SCEL: variants seen among roughly 807,000 people sequenced by gnomAD.
SCEL encodes sciellin.
Under a neutral mutation model 117.6 loss-of-function variants are expected in SCEL, and 113 were observed. The ratio of observed to expected loss-of-function variants is 0.96; its 90% CI spans 0.83 to 1.12. SCEL has a LOEUF of 1.12. Ranked by LOEUF, SCEL falls within the 50% of genes most tolerant of loss-of-function variation. SCEL has a pLI of 0.00. For missense variants in SCEL, 785 were observed against 810.8 expected (o/e 0.97, Z 0.39); for synonymous variants, 270 against 256.2 (o/e 1.05, Z -0.51).
At chr13:77,630,499 A>C (rs1183471993) in intron 28 of SCEL, among the ~76,000 whole-genome samples, 1 of 152,196 alleles carries the variant, frequency 6.6e-6, no homozygotes, top group African/African-American at 2.4e-5. Context: ...ATGAACATTC[A>C]TATATGAGTT....
chr13:77,539,636 C>T (rs1208158832), intron 1 of SCEL, among the ~76,000 whole-genome samples: 2 of 151,938 alleles, frequency 1.3e-5, no homozygotes. Flanking sequence ...CTCCCGGGTT[C>T]ACATCATTCT....
chr13:77,555,819 C>A, intron 1 of SCEL, 38 bp from the exon 2 acceptor site: 1 of 1,342,558 alleles, frequency 7.4e-7, no homozygotes, highest in South Asian at 1.2e-5. Flanking sequence ...TTCTCAGAGT[C>A]ATTGATGTGC....
At chr13:77,568,871 G>A (rs1362550671) in intron 7 of SCEL, among the ~76,000 whole-genome samples, 1 of 152,168 alleles carries the variant, frequency 6.6e-6, no homozygotes, top group African/African-American at 2.4e-5. Flanking sequence ...TATGTATAAA[G>A]TAATTTATAC....
chr13:77,636,866 C>G (rs1032111718), intron 29 of SCEL, among the ~76,000 whole-genome samples: 5 of 152,028 alleles, frequency 3.3e-5, no homozygotes, highest in Non-Finnish European at 5.9e-5. Context: ...AAGATGAGGA[C>G]TTCTTTTCCT....
At chr13:77,548,110 T>C (rs1485780845) in intron 1 of SCEL, among the ~76,000 whole-genome samples, 1 of 152,244 alleles carries the variant, frequency 6.6e-6, no homozygotes, top group East Asian at 1.9e-4. Flanking sequence ...GGGAGGAAAG[T>C]TCAAACAATA....
In SCEL at chr13:77,634,404, G is replaced by T. The variant is rs759846746; in HGVS notation, c.1717G>T (p.Gly573Ter). 6.2e-7 allele frequency: 1 copy of T among 1,613,340 alleles called. No individual in the cohort carries two copies. The highest frequency in any genetic ancestry group is 8.5e-7 in the Non-Finnish European group (1 of 1,179,610). ...CTCTAACACTGGAGCCAAGCAGGCA[G>T]GACCACAGGATACTGTTGTGTACAC... The part of the protein sequence containing the change: ...GSSNTGAKQA[G>*]PQDTVVYTRT... The change falls in exon 29 of 33, where the codon GGA (glycine) becomes TGA (stop). Residue 573 changes from glycine to a stop codon, truncating the protein, a stop_gained. Coordinates refer to ENST00000349847, the MANE Select transcript of SCEL (RefSeq NM_144777.3). LOFTEE classifies it high-confidence loss of function.
chr13:77,543,118 C>G lies in SCEL; in HGVS notation c.-20+7294C>G, dbSNP rs1014117738. Among the ~76,000 whole-genome samples the G allele has an allele frequency of 4.3e-5, 6 of 138,642 alleles. No homozygotes were observed. The East Asian group carries it at 6.4e-4, about 15-fold the overall frequency. 91.0% of individuals were successfully genotyped at this position (138,642 alleles called of 152,430 possible). On this transcript the variant is annotated intron_variant, in intron 1 of 32. Coordinates refer to ENST00000349847, the MANE Select transcript of SCEL (RefSeq NM_144777.3). The stretch of plus-strand genomic sequence containing the variant: ...TTTTTTTTTGAGACGGAGTCTCGCT[C>G]TGTTGCCCAGGCTGGAGTGCAGTGG...
intron 1 of SCEL, among the ~76,000 whole-genome samples, chr13:77,541,612 T>C (rs998445979): frequency 5.3e-5 from 8 of 152,170 alleles, no homozygotes; most frequent in Non-Finnish European, 8.8e-5. Context: ...ATTTAAATAT[T>C]CTTAAATGGC....
intron 28 of SCEL, among the ~76,000 whole-genome samples, chr13:77,631,967 T>G (rs1266635160): frequency 6.6e-6 from 1 of 152,218 alleles, no homozygotes. Context: ...CTTACTGGCT[T>G]GCAGATGGCC....
At chr13:77,567,860 T>C (rs1033396594) in intron 6 of SCEL, 112 bp downstream of exon 6, 2 of 686,054 alleles carry the variant, frequency 2.9e-6, no homozygotes, top group African/African-American at 3.7e-5. Flanking sequence ...AAATTCTTAG[T>C]CTCTATCATT....
intron 4 of SCEL, among the ~76,000 whole-genome samples, chr13:77,560,518 T>C (rs2084921723): frequency 6.6e-6 from 1 of 152,082 alleles, no homozygotes; most frequent in South Asian, 2.1e-4. Context: ...AATACAGAAA[T>C]AACAACTACA....
chr13:77,547,053 A>G (rs938780753), intron 1 of SCEL, among the ~76,000 whole-genome samples: 3 of 152,178 alleles, frequency 2.0e-5, no homozygotes, highest in African/African-American at 4.8e-5. Flanking sequence ...GGCTTTAGAT[A>G]TCAGTAAGAA....
chr13:77,638,921 A>G (rs1390614604), intron 30 of SCEL, among the ~76,000 whole-genome samples: 1 of 152,066 alleles, frequency 6.6e-6, no homozygotes, highest in Non-Finnish European at 1.5e-5. Flanking sequence ...TTCCTCTTCA[A>G]ACAATGCAGA....
At chr13:77,592,412 T>A (rs1288032718) in intron 11 of SCEL, among the ~76,000 whole-genome samples, 1 of 152,230 alleles carries the variant, frequency 6.6e-6, no homozygotes, top group Non-Finnish European at 1.5e-5. Context: ...ACAGAACTTT[T>A]CAGAATCTTT....
chr13:77,578,223 A>T (rs2086065181), intron 9 of SCEL, among the ~76,000 whole-genome samples: 1 of 152,152 alleles, frequency 6.6e-6, no homozygotes, highest in African/African-American at 2.4e-5. Flanking sequence ...TAGCAGAGGC[A>T]TACCACAAGC....
chr13:77,552,836 T>A (rs1374486376), intron 1 of SCEL, among the ~76,000 whole-genome samples: 1 of 152,218 alleles, frequency 6.6e-6, no homozygotes, highest in East Asian at 1.9e-4. Flanking sequence ...GGGTGTAATG[T>A]TTTGGGTGTA....
intron 1 of SCEL, among the ~76,000 whole-genome samples, chr13:77,540,475 G>A (rs986511995): frequency 8.5e-5 from 13 of 152,198 alleles, no homozygotes; most frequent in African/African-American, 3.1e-4. Context: ...CTCAGCCTGG[G>A]GAGGAAGGAG....
At chr13:77,612,035 T>C (rs982635085) in intron 22 of SCEL, among the ~76,000 whole-genome samples, 8 of 152,154 alleles carry the variant, frequency 5.3e-5, no homozygotes, top group Non-Finnish European at 8.8e-5. Context: ...TTTTAAACAG[T>C]TCAATGTAAT....
chr13:77,628,983 A>G (rs556983784), intron 28 of SCEL, among the ~76,000 whole-genome samples: 1 of 152,214 alleles, frequency 6.6e-6, no homozygotes, highest in African/African-American at 2.4e-5. Flanking sequence ...GACTGGGCTT[A>G]CATTTAACTA....
Sources: allele counts gnomAD v4.1 joint callset (sites outside exome capture counted in the v4.1 genomes callset), GRCh38; gene constraint gnomAD v4.1.1; transcripts MANE v1.5; gene names NCBI Gene and HGNC (gene_info 2026-07-23, HGNC 2026-07-21).